ARHGEF38: variants seen among roughly 807,000 people sequenced by gnomAD.
ARHGEF38 encodes the protein Rho guanine nucleotide exchange factor 38.
A neutral mutation model predicts 79.9 loss-of-function variants in ARHGEF38; 79 were observed. That is an observed-to-expected ratio of 0.99 (90% confidence interval 0.82 to 1.19). The LOEUF is 1.19. Among genes scored for constraint, ARHGEF38 ranks in the 50% most tolerant of loss-of-function variants. The probability of loss-of-function intolerance (pLI) is 0.00; values close to 1 mark genes in which losing one functional copy is unlikely to be tolerated. For missense variants in ARHGEF38, 962 were observed against 907.2 expected, an observed-to-expected ratio of 1.06 and a Z score of -0.78; for synonymous variants, 366 against 328.3, an observed-to-expected ratio of 1.11 and a Z score of -1.24.
chr4:105,647,152 T>C (rs1729878465), intron 6 of ARHGEF38, among the ~76,000 whole-genome samples: 1 of 152,164 alleles, frequency 6.6e-6, no homozygotes, highest in African/African-American at 2.4e-5. Context: ...TCTGTTTGCT[T>C]AAACTATTTC....
intron 1 of ARHGEF38, among the ~76,000 whole-genome samples, chr4:105,578,602 G>T (rs1726623877): frequency 6.6e-6 from 1 of 152,070 alleles, no homozygotes; most frequent in Admixed American, 6.6e-5. Flanking sequence ...CCCGTGTAAG[G>T]TACATATGAA....
chr4:105,657,058 T>C (rs1730362042), intron 9 of ARHGEF38, among the ~76,000 whole-genome samples: 1 of 152,000 alleles, frequency 6.6e-6, no homozygotes, highest in Non-Finnish European at 1.5e-5. Context: ...AGATGATAGA[T>C]AGATAGATAG....
chr4:105,603,287 G>A (rs73837048), intron 2 of ARHGEF38, among the ~76,000 whole-genome samples: 1,908 of 152,162 alleles, frequency 0.013, 31 homozygotes, highest in African/African-American at 0.036. Context: ...GGAAACCAAG[G>A]AACAAAGAGG....
intron 5 of ARHGEF38, among the ~76,000 whole-genome samples, chr4:105,641,682 C>T (rs538572022): frequency 2.0e-5 from 3 of 151,638 alleles, no homozygotes; most frequent in South Asian, 4.2e-4. Context: ...GTATTTTTTC[C>T]TTCCCATTAA....
Position 105,552,848 on chromosome 4 carries a change from T to C in ARHGEF38, c.83T>C (p.Met28Thr). 1 of 1,613,934 alleles carries C rather than the reference T, an allele frequency of 6.2e-7. No individual in the cohort carries two copies. The highest frequency in any genetic ancestry group is 8.5e-7 in the Non-Finnish European group (1 of 1,179,850). ...GCCTTCTTGAGGTCTAGACTCTATA[T>C]GCTGGAGAGAAGGAAGACTGACACT... The part of the protein sequence containing the change: ...NLAFLRSRLY[M>T]LERRKTDTVV... The change falls in exon 1 of 14, where the codon ATG (methionine) becomes ACG (threonine). Residue 28 changes from methionine to threonine, a missense_variant. By Grantham distance (81) the Met-to-Thr change is moderately conservative (BLOSUM62 -1). Coordinates refer to ENST00000420470, the MANE Select transcript of ARHGEF38 (RefSeq NM_001242729.2).
At chr4:105,584,687 A>G (rs1289884930) in intron 1 of ARHGEF38, among the ~76,000 whole-genome samples, 1 of 152,214 alleles carries the variant, frequency 6.6e-6, no homozygotes, top group Non-Finnish European at 1.5e-5. Context: ...CTATCTATAT[A>G]TAACTTAGAT....
intron 1 of ARHGEF38, among the ~76,000 whole-genome samples, chr4:105,572,447 A>C (rs1726283808): frequency 6.6e-6 from 1 of 152,310 alleles, no homozygotes; most frequent in African/African-American, 2.4e-5. Flanking sequence ...GTGGCATTAA[A>C]TACATTCATA....
intron 13 of ARHGEF38, among the ~76,000 whole-genome samples, chr4:105,673,209 C>T (rs1282079939): frequency 6.6e-6 from 1 of 151,986 alleles, no homozygotes; most frequent in Non-Finnish European, 1.5e-5. Flanking sequence ...TTATATAGAA[C>T]ATGTACAATA....
intron 13 of ARHGEF38, among the ~76,000 whole-genome samples, chr4:105,674,866 C>T (rs991166546): frequency 2.0e-5 from 3 of 151,944 alleles, no homozygotes; most frequent in Non-Finnish European, 2.9e-5. Flanking sequence ...TAAAAAACTA[C>T]CACTATTTAG....
At chr4:105,589,563 C>G in intron 2 of ARHGEF38, 128 bp downstream of exon 2, 1 of 817,288 alleles carries the variant, frequency 1.2e-6, no homozygotes, top group Non-Finnish European at 1.8e-6. Flanking sequence ...GCACTGTTCT[C>G]AGCTCTGGGG....
At chr4:105,676,742 T>A (rs1354991369) in intron 13 of ARHGEF38, among the ~76,000 whole-genome samples, 6 of 152,152 alleles carry the variant, frequency 3.9e-5, no homozygotes, top group Admixed American at 1.3e-4. Context: ...AATTTTTAAA[T>A]TATAAATTTA....
intron 3 of ARHGEF38, among the ~76,000 whole-genome samples, chr4:105,627,489 T>G (rs114572850): frequency 6.6e-6 from 1 of 152,274 alleles, no homozygotes; most frequent in Non-Finnish European, 1.5e-5. Flanking sequence ...AATATCAATA[T>G]TTTGGGAAGT....
At chr4:105,584,674 T>C (rs1726948651) in intron 1 of ARHGEF38, among the ~76,000 whole-genome samples, 1 of 152,250 alleles carries the variant, frequency 6.6e-6, no homozygotes, top group Non-Finnish European at 1.5e-5. Flanking sequence ...GCTATTTCTA[T>C]GTCTATCTAT....
intron 7 of ARHGEF38, among the ~76,000 whole-genome samples, chr4:105,649,787 G>A (rs1730022146): frequency 1.3e-5 from 2 of 152,060 alleles, no homozygotes; most frequent in Admixed American, 6.5e-5. Context: ...CTCTGGAAAG[G>A]GTTAATATAT....
Position 105,605,101 on chromosome 4 carries a change from G to A in ARHGEF38, c.385-8283G>A, listed in dbSNP as rs557007881. ...TAAAATTCAAAGTAGGAAAAGGAAGGCAAGACCACCCCAAACCTCTGCTGA... is the reference window on the plus strand; with the variant it reads ...TAAAATTCAAAGTAGGAAAAGGAAGACAAGACCACCCCAAACCTCTGCTGA... On this transcript the variant is annotated intron_variant, in intron 2 of 13. Coordinates refer to ENST00000420470, the MANE Select transcript of ARHGEF38 (RefSeq NM_001242729.2). Among the ~76,000 whole-genome samples the A allele has an allele frequency of 2.6e-5, 4 of 152,142 alleles. No homozygotes were observed. The South Asian group carries it at 8.3e-4, about 32-fold the overall frequency.
intron 4 of ARHGEF38, chr4:105,631,354 C>T: frequency 2.9e-6 from 3 of 1,022,076 alleles, no homozygotes; most frequent in Non-Finnish European, 2.3e-6. Flanking sequence ...ACTTGCCTGG[C>T]CCCACGTAGT....
intron 3 of ARHGEF38, among the ~76,000 whole-genome samples, chr4:105,624,232 A>T (rs752572869): frequency 1.5e-4 from 23 of 152,300 alleles, no homozygotes; most frequent in South Asian, 4.1e-4. Context: ...CTGAAAAAAA[A>T]TTTTTACCAG....
intron 1 of ARHGEF38, among the ~76,000 whole-genome samples, chr4:105,553,340 G>C (rs543346481): frequency 2.8e-4 from 43 of 152,200 alleles, no homozygotes; most frequent in Admixed American, 2.4e-3. Flanking sequence ...TCAATGGGTA[G>C]ATATGTGATA....
intron 13 of ARHGEF38, among the ~76,000 whole-genome samples, chr4:105,668,242 CGCAATCTCGGCTCACT>C (rs894912781): frequency 1.6e-4 from 25 of 151,678 alleles, no homozygotes; most frequent in Non-Finnish European, 3.2e-4. Context: ...AGTGCAGTGG[CGCAATCTCGGCTCACT>C]GCAACCTCCG....
Sources: allele counts gnomAD v4.1 joint callset (sites outside exome capture counted in the v4.1 genomes callset), GRCh38; gene constraint gnomAD v4.1.1; transcripts MANE v1.5; gene names NCBI Gene and HGNC (gene_info 2026-07-23, HGNC 2026-07-21).